Variants in ATG5 observed in about 807,000 individuals in gnomAD.
The protein encoded by ATG5 is autophagy protein 5.
Under a neutral mutation model 36.5 loss-of-function variants are expected in ATG5, and 14 were observed. The ratio of observed to expected loss-of-function variants is 0.38; its 90% CI spans 0.25 to 0.60. ATG5 has a LOEUF of 0.60. Among genes scored for constraint, ATG5 ranks in the 20% least tolerant of loss-of-function variants. ATG5 has a pLI of 0.60. For synonymous variants in ATG5, 95 were observed against 101.5 expected, an observed-to-expected ratio of 0.94 and a Z score of 0.38; for missense variants, 195 against 326.7, an observed-to-expected ratio of 0.60 and a Z score of 3.11.
At chr6:106,220,401 C>G (rs1191159340) in intron 6 of ATG5, among the ~76,000 whole-genome samples, 1 of 151,518 alleles carries the variant, frequency 6.6e-6, no homozygotes, top group African/African-American at 2.4e-5. Flanking sequence ...TTAATAAAAC[C>G]AAAAAACAGG....
At chr6:106,272,309 G>A (rs1054415128) in intron 5 of ATG5, among the ~76,000 whole-genome samples, 2 of 152,138 alleles carry the variant, frequency 1.3e-5, no homozygotes, top group Non-Finnish European at 2.9e-5. Flanking sequence ...TGTTTCACTG[G>A]TCTCCTACCA....
chr6:106,325,202 A>C (rs1771242495), intron 1 of ATG5: 1 of 152,266 alleles, frequency 6.6e-6, no homozygotes, highest in African/African-American at 2.4e-5. Flanking sequence ...AAAGGTTTAA[A>C]TAACTGTGTT....
At chr6:106,266,345 C>T (rs977370262) in intron 5 of ATG5, among the ~76,000 whole-genome samples, 1 of 152,150 alleles carries the variant, frequency 6.6e-6, no homozygotes, top group Non-Finnish European at 1.5e-5. Flanking sequence ...GAAATTGAGG[C>T]AGTAATTAAT....
rs772658835 is a variant in ATG5, at chr6:106,316,067, T to C, written c.108+34A>G. On this transcript the variant is annotated intron_variant, in intron 2 of 7. Coordinates refer to ENST00000369076, the MANE Select transcript of ATG5 (RefSeq NM_004849.4). ...TTTTTCTTACAAAAATGGACAAGGT[T>C]AAATATCCCATTTGCCACAATCAAT... 3.9e-6 allele frequency: 6 copies of C among 1,538,694 alleles called. No homozygotes were observed. In the Admixed American group the frequency reaches 8.9e-5, roughly 23 times the overall value.
At chr6:106,249,851 T>TA (rs1200050415) in intron 5 of ATG5, among the ~76,000 whole-genome samples, 2 of 152,248 alleles carry the variant, frequency 1.3e-5, no homozygotes, top group Non-Finnish European at 2.9e-5. Flanking sequence ...TGCATTTCCT[T>TA]AATGACTATG....
intron 2 of ATG5, 44 bp from the exon 3 acceptor site, chr6:106,308,535 A>AT: frequency 7.2e-7 from 1 of 1,390,566 alleles, no homozygotes; most frequent in East Asian, 2.7e-5. Context: ...ACTAGTTATT[A>AT]TTTTTAAAAA....
intron 5 of ATG5, among the ~76,000 whole-genome samples, chr6:106,255,890 T>C (rs1169941184): frequency 6.6e-6 from 1 of 152,200 alleles, no homozygotes; most frequent in Non-Finnish European, 1.5e-5. Context: ...GTTACAATCA[T>C]CTATAGATTT....
At chr6:106,241,946 CCAT>C (rs1028278429) in intron 6 of ATG5, among the ~76,000 whole-genome samples, 35 of 152,026 alleles carry the variant, frequency 2.3e-4, no homozygotes, top group African/African-American at 5.5e-4. Context: ...ACCACCACCA[CCAT>C]GATGGTTCTG....
At chr6:106,309,394 AG>A (rs1770563478) in intron 2 of ATG5, among the ~76,000 whole-genome samples, 1 of 152,152 alleles carries the variant, frequency 6.6e-6, no homozygotes, top group South Asian at 2.1e-4. Flanking sequence ...CCAACTAGGT[AG>A]GAGAACGTGA....
At chr6:106,305,615 A>G (rs933421660) in intron 3 of ATG5, among the ~76,000 whole-genome samples, 1 of 152,174 alleles carries the variant, frequency 6.6e-6, no homozygotes, top group Non-Finnish European at 1.5e-5. Context: ...ACTTATTTAA[A>G]ACTCCGAAGA....
At chr6:106,296,215 T>A (rs916638441) in intron 3 of ATG5, among the ~76,000 whole-genome samples, 4 of 145,604 alleles carry the variant, frequency 2.7e-5, no homozygotes, top group African/African-American at 5.0e-5. Flanking sequence ...AAACTCACTT[T>A]AAAAAAAAAA....
In ATG5 at chr6:106,248,165, G is replaced by C. The variant is rs1255489045; in HGVS notation, c.558C>G (p.Pro186=). 5 of 1,603,832 alleles carry C rather than the reference G, an allele frequency of 3.1e-6. No homozygotes were observed. Among genetic ancestry groups the C allele is most frequent in the Non-Finnish European group, 4.3e-6 (5 of 1,171,010 alleles). The change falls in exon 6 of 8, where the codon CCC becomes CCG. Residue 186 remains proline (P), a synonymous_variant. Coordinates refer to ENST00000369076, the MANE Select transcript of ATG5 (RefSeq NM_004849.4). ...PAEENGFRYI[P]FRIYQTTTER... ...TATTTCCTACCTGATATATTCTAAA[G>C]GGGATATAACGAAATCCATTTTCTT...
At chr6:106,243,438 G>A (rs761713346) in intron 6 of ATG5, among the ~76,000 whole-genome samples, 18 of 152,108 alleles carry the variant, frequency 1.2e-4, no homozygotes, top group Non-Finnish European at 2.1e-4. Flanking sequence ...TGAAGTGGGT[G>A]GATCGCTTGA....
intron 6 of ATG5, among the ~76,000 whole-genome samples, chr6:106,207,917 C>T (rs1431209599): frequency 6.6e-6 from 1 of 152,122 alleles, no homozygotes; most frequent in Non-Finnish European, 1.5e-5. Flanking sequence ...TATAGTGAAA[C>T]CTGATCTCTA....
intron 4 of ATG5, among the ~76,000 whole-genome samples, chr6:106,284,615 A>G (rs1780004546): frequency 6.6e-6 from 1 of 152,160 alleles, no homozygotes; most frequent in Non-Finnish European, 1.5e-5. Flanking sequence ...TCATCCCCAC[A>G]AAGTGCTGGG....
intron 6 of ATG5, among the ~76,000 whole-genome samples, chr6:106,222,703 C>A (rs963941580): frequency 6.6e-6 from 1 of 152,116 alleles, no homozygotes; most frequent in Non-Finnish European, 1.5e-5. Context: ...GGCTATAAAG[C>A]CAGACTGGAC....
intron 1 of ATG5, among the ~76,000 whole-genome samples, chr6:106,322,400 G>GA (rs967315286): frequency 5.9e-5 from 9 of 152,012 alleles, no homozygotes; most frequent in African/African-American, 2.2e-4. Context: ...CGTGTAAACA[G>GA]AAAAAAAATT....
At chr6:106,323,935 G>A (rs367842782) in intron 1 of ATG5, among the ~76,000 whole-genome samples, 1 of 152,072 alleles carries the variant, frequency 6.6e-6, no homozygotes, top group South Asian at 2.1e-4. Flanking sequence ...AGTCAAACTA[G>A]CTAGTATGCG....
intron 6 of ATG5, among the ~76,000 whole-genome samples, chr6:106,242,000 A>G (rs532369487): frequency 5.6e-4 from 86 of 152,310 alleles, no homozygotes; most frequent in Middle Eastern, 3.4e-3. Flanking sequence ...TCATGGCAGC[A>G]TTATTCACAA....
Sources: allele counts gnomAD v4.1 joint callset (sites outside exome capture counted in the v4.1 genomes callset), GRCh38; gene constraint gnomAD v4.1.1; transcripts MANE v1.5; gene names NCBI Gene and HGNC (gene_info 2026-07-23, HGNC 2026-07-21).